ZNF536: variants seen among roughly 807,000 people sequenced by gnomAD.
The protein encoded by ZNF536 is zinc finger protein 536.
In ZNF536, 13 loss-of-function variants were observed where a neutral mutation model predicts 84.5. The observed-to-expected ratio is 0.15, with a 90% confidence interval of 0.10 to 0.24. The LOEUF is 0.24. Ranked by LOEUF, ZNF536 falls within the 10% of genes least tolerant of loss-of-function variation. The pLI, the probability that ZNF536 is intolerant of heterozygous loss-of-function variation, is 1.00. For synonymous variants in ZNF536, 811 were observed against 742.5 expected (o/e 1.09, Z -1.50); for missense variants, 1,536 against 1,747.5 (o/e 0.88, Z 2.16).
At chr19:30,248,396 ATTTTTTT>A (rs34048586) in intron 1 of ZNF536, among the ~76,000 whole-genome samples, 1 of 133,976 alleles carries the variant, frequency 7.5e-6, no homozygotes, top group Non-Finnish European at 1.6e-5. Context: ...TGCCCTGCTA[ATTTTTTT>A]TTTTTTTTTT....
At chr19:30,544,305 T>C (rs1373601081) in intron 3 of ZNF536, among the ~76,000 whole-genome samples, 2 of 152,170 alleles carry the variant, frequency 1.3e-5, no homozygotes, top group African/African-American at 4.8e-5. Flanking sequence ...TGGAGAACTT[T>C]CTAGAACCTT....
intron 1 of ZNF536, among the ~76,000 whole-genome samples, chr19:30,236,536 G>GC (rs1555771927): frequency 1.3e-5 from 2 of 149,896 alleles, no homozygotes; most frequent in East Asian, 1.9e-4. Context: ...GGGCGGGGGG[G>GC]GGGTACAATT....
chr19:30,509,220 G>C (rs1011580965), intron 2 of ZNF536, among the ~76,000 whole-genome samples: 1 of 145,744 alleles, frequency 6.9e-6, no homozygotes, highest in Non-Finnish European at 1.5e-5. Flanking sequence ...CTTGCAAATC[G>C]AGTTATATAA....
intron 1 of ZNF536, among the ~76,000 whole-genome samples, chr19:30,664,890 A>G (rs1389653627): frequency 3.3e-5 from 5 of 152,174 alleles, no homozygotes; most frequent in African/African-American, 1.2e-4. Flanking sequence ...TAGCCCGGCA[A>G]CTTTTCACTT....
intron 2 of ZNF536, among the ~76,000 whole-genome samples, chr19:30,285,457 T>C (rs2045593308): frequency 6.6e-6 from 1 of 152,050 alleles, no homozygotes; most frequent in Admixed American, 6.5e-5. Flanking sequence ...AGAAAAAAAA[T>C]TGTTGGGTTT....
chr19:30,337,833 C>A (rs368456424), intron 2 of ZNF536, among the ~76,000 whole-genome samples: 1 of 152,178 alleles, frequency 6.6e-6, no homozygotes, highest in Non-Finnish European at 1.5e-5. Context: ...GAACTTAACA[C>A]GGCTCTGGGC....
intron 1 of ZNF536, among the ~76,000 whole-genome samples, chr19:30,702,181 T>A (rs1038439890): frequency 6.6e-6 from 1 of 152,208 alleles, no homozygotes; most frequent in Non-Finnish European, 1.5e-5. Flanking sequence ...AGCAGATATT[T>A]CCATCCTAGC....
chr19:30,241,492 T>C (rs1468217058), intron 1 of ZNF536, among the ~76,000 whole-genome samples: 1 of 152,154 alleles, frequency 6.6e-6, no homozygotes, highest in Non-Finnish European at 1.5e-5. Flanking sequence ...CATCTGCGCC[T>C]GGACTTGGCG....
At chr19:30,297,022 G>A (rs1321972095) in intron 2 of ZNF536, among the ~76,000 whole-genome samples, 1 of 152,194 alleles carries the variant, frequency 6.6e-6, no homozygotes, top group Non-Finnish European at 1.5e-5. Context: ...TCCACGATCA[G>A]GCACGAGGCC....
chr19:30,704,647 CAAAA>C (rs970475752), intron 1 of ZNF536, among the ~76,000 whole-genome samples: 6 of 53,472 alleles, frequency 1.1e-4, no homozygotes, highest in African/African-American at 2.3e-4. Flanking sequence ...GAGTCCATCT[CAAAA>C]AAAAAAAAAA....
intron 2 of ZNF536, among the ~76,000 whole-genome samples, chr19:30,449,948 G>A (rs2052520849): frequency 6.6e-6 from 1 of 151,806 alleles, no homozygotes; most frequent in Admixed American, 6.6e-5. Context: ...TTCTCATGTG[G>A]CTCCCCCTCC....
At chr19:30,580,697 G>A (rs2046890603) in intron 1 of ZNF536, among the ~76,000 whole-genome samples, 1 of 152,170 alleles carries the variant, frequency 6.6e-6, no homozygotes, top group African/African-American at 2.4e-5. Flanking sequence ...CCTGTGTGGA[G>A]CTGCAGAAAC....
chr19:30,707,317 G>A (rs1305807363), intron 1 of ZNF536, among the ~76,000 whole-genome samples: 2 of 152,166 alleles, frequency 1.3e-5, no homozygotes, highest in African/African-American at 4.8e-5. Flanking sequence ...CCCAGGTCAT[G>A]AAGAACAGGG....
chr19:30,229,564 C>T (rs1264124740), intron 1 of ZNF536, among the ~76,000 whole-genome samples: 1 of 147,424 alleles, frequency 6.8e-6, no homozygotes, highest in South Asian at 2.1e-4. Context: ...AAAGCTGCTG[C>T]GGGTGGTGGG....
At chr19:30,529,416 T>G (rs2044716605) in intron 2 of ZNF536, among the ~76,000 whole-genome samples, 2 of 152,164 alleles carry the variant, frequency 1.3e-5, no homozygotes, top group Non-Finnish European at 2.9e-5. Flanking sequence ...GAGCATCCGT[T>G]TCTTTGTCTA....
intron 1 of ZNF536, among the ~76,000 whole-genome samples, chr19:30,407,757 G>A (rs954757115): frequency 1.3e-5 from 2 of 152,194 alleles, no homozygotes; most frequent in African/African-American, 4.8e-5. Context: ...TTTGTGAACA[G>A]CCACTGAATT....
At chr19:30,342,322 ATATT>A (rs2047589769) in intron 2 of ZNF536, among the ~76,000 whole-genome samples, 1 of 152,166 alleles carries the variant, frequency 6.6e-6, no homozygotes, top group South Asian at 2.1e-4. Flanking sequence ...ATTTATTTAT[ATATT>A]TATTTATTTT....
chr19:30,643,196 C>G (rs1403546554), intron 1 of ZNF536, among the ~76,000 whole-genome samples: 1 of 152,212 alleles, frequency 6.6e-6, no homozygotes. Context: ...ATCCATTCCA[C>G]TGGGACTGTG....
At chr19:30,236,843 G>C (rs1053302821) in intron 1 of ZNF536, among the ~76,000 whole-genome samples, 1 of 152,116 alleles carries the variant, frequency 6.6e-6, no homozygotes, top group Non-Finnish European at 1.5e-5. Context: ...GTGTATGCCC[G>C]GCATGTTGGC....
Sources: gnomAD v4.1 joint callset for allele counts (sites outside exome capture counted in the v4.1 genomes callset) on GRCh38, gnomAD v4.1.1 for gene constraint, MANE v1.5 for transcripts, NCBI Gene and HGNC (gene_info 2026-07-23, HGNC 2026-07-21) for gene names.